WWC2: variants seen among roughly 807,000 people sequenced by gnomAD.
The protein encoded by WWC2 is protein WWC2.
In WWC2, 101 loss-of-function variants were observed where a neutral mutation model predicts 138.5. The observed-to-expected ratio is 0.73, with a 90% CI of 0.62 to 0.86. The LOEUF (loss-of-function observed/expected upper bound fraction) is 0.86. Among genes scored for constraint, WWC2 ranks in the 40% least tolerant of loss-of-function variants. The pLI is 0.00. For missense variants in WWC2, 1,420 were observed against 1,419.4 expected (o/e 1.00, Z -0.01); for synonymous variants, 558 against 538.4 (o/e 1.04, Z -0.50).
At chr4:183,239,541 T>A (rs1419251709) in intron 4 of WWC2, among the ~76,000 whole-genome samples, 2 of 152,202 alleles carry the variant, frequency 1.3e-5, no homozygotes, top group African/African-American at 4.8e-5. Context: ...GATCATCTGC[T>A]GTTTGCTTGG....
chr4:183,197,534 G>A (rs1413432208), intron 2 of WWC2, among the ~76,000 whole-genome samples: 1 of 152,190 alleles, frequency 6.6e-6, no homozygotes, highest in African/African-American at 2.4e-5. Context: ...GACCTTGACT[G>A]TGAAAGTTAT....
chr4:183,237,181 TTTAG>T (rs1736454295), intron 4 of WWC2, among the ~76,000 whole-genome samples: 1 of 152,222 alleles, frequency 6.6e-6, no homozygotes, highest in Non-Finnish European at 1.5e-5. Flanking sequence ...CTTTCACTTC[TTTAG>T]TTAAGTTAAT....
intron 11 of WWC2, among the ~76,000 whole-genome samples, chr4:183,262,610 G>A (rs139170488): frequency 8.8e-4 from 134 of 152,378 alleles, no homozygotes; most frequent in African/African-American, 2.9e-3. Context: ...CATTTGTGTG[G>A]TTTGTGCGCC....
At chr4:183,128,039 C>G (rs1732811089) in intron 1 of WWC2, among the ~76,000 whole-genome samples, 1 of 146,570 alleles carries the variant, frequency 6.8e-6, no homozygotes, top group Admixed American at 6.8e-5. Context: ...GAGACCCCAT[C>G]TCTGAAAAAA....
chr4:183,284,215 T>G lies in WWC2; in HGVS notation c.2884-11T>G, dbSNP rs764480092. On this transcript the variant is annotated splice_polypyrimidine_tract_variant and intron_variant, in intron 18 of 22. Coordinates refer to ENST00000403733, the MANE Select transcript of WWC2 (RefSeq NM_024949.6). ...TTTCAGCTCCTGACAAATTGTTAAC[T>G]TCTCTTATAGGTTGACAAAGAGACA... The G allele has an allele frequency of 6.2e-7, 1 of 1,610,310 alleles. No homozygotes were observed. Among genetic ancestry groups the G allele is most frequent in the Non-Finnish European group, 8.5e-7 (1 of 1,176,986 alleles).
chr4:183,235,299 A>C (rs1456389717), intron 4 of WWC2, among the ~76,000 whole-genome samples: 4 of 152,204 alleles, frequency 2.6e-5, no homozygotes, highest in African/African-American at 9.6e-5. Flanking sequence ...TAAACAGAGG[A>C]GAGTCCAACT....
intron 21 of WWC2, among the ~76,000 whole-genome samples, chr4:183,304,980 A>G (rs549830211): frequency 8.5e-5 from 13 of 152,230 alleles, no homozygotes; most frequent in Non-Finnish European, 1.5e-4. Context: ...AACTGTGGTT[A>G]GTATGCCAAG....
At chr4:183,293,603 C>T (rs1738533298) in intron 21 of WWC2, among the ~76,000 whole-genome samples, 1 of 152,056 alleles carries the variant, frequency 6.6e-6, no homozygotes, top group South Asian at 2.1e-4. Flanking sequence ...TTAGGAGTTC[C>T]TAAACAGTGC....
intron 21 of WWC2, among the ~76,000 whole-genome samples, chr4:183,298,674 A>T (rs113391925): frequency 5.5e-4 from 84 of 152,358 alleles, no homozygotes; most frequent in African/African-American, 1.9e-3. Context: ...CCATGCACTA[A>T]TAGGATTTTA....
chr4:183,121,734 A>G (rs988907588), intron 1 of WWC2, among the ~76,000 whole-genome samples: 1 of 148,128 alleles, frequency 6.8e-6, no homozygotes, highest in Non-Finnish European at 1.5e-5. Context: ...ATGAAATAGC[A>G]TTTTTCACCT....
intron 6 of WWC2, 117 bp from the exon 7 acceptor site, chr4:183,248,596 TA>T: frequency 9.1e-7 from 1 of 1,096,360 alleles, no homozygotes; most frequent in Non-Finnish European, 1.2e-6. Context: ...AAGTACCTAC[TA>T]AAATAAAGTT....
At chr4:183,292,293 G>A (rs1171789383) in intron 21 of WWC2, among the ~76,000 whole-genome samples, 3 of 151,772 alleles carry the variant, frequency 2.0e-5, no homozygotes, top group Admixed American at 6.6e-5. Flanking sequence ...GGAGGCCAGA[G>A]TGCCGAGAGT....
intron 1 of WWC2, among the ~76,000 whole-genome samples, chr4:183,187,467 C>T (rs1734841071): frequency 6.6e-6 from 1 of 151,210 alleles, no homozygotes; most frequent in African/African-American, 2.4e-5. Context: ...GCAGGAGAAT[C>T]GCTTGAACCT....
intron 1 of WWC2, among the ~76,000 whole-genome samples, chr4:183,113,842 G>T (rs967766133): frequency 6.6e-6 from 1 of 151,672 alleles, no homozygotes; most frequent in Admixed American, 6.6e-5. Flanking sequence ...GGCTTTGGCA[G>T]TGGGAAGCAG....
intron 4 of WWC2, among the ~76,000 whole-genome samples, chr4:183,224,300 A>G (rs919330255): frequency 1.3e-5 from 2 of 152,030 alleles, no homozygotes; most frequent in African/African-American, 4.8e-5. Flanking sequence ...TGTAGTAGTA[A>G]TTTATCGTCT....
intron 1 of WWC2, among the ~76,000 whole-genome samples, chr4:183,107,454 C>T (rs1287186433): frequency 6.6e-6 from 1 of 152,138 alleles, no homozygotes; most frequent in Non-Finnish European, 1.5e-5. Flanking sequence ...GGCCTCACTT[C>T]TTTCTTTTTT....
At chr4:183,129,590 C>T (rs1489222094) in intron 1 of WWC2, among the ~76,000 whole-genome samples, 1 of 152,162 alleles carries the variant, frequency 6.6e-6, no homozygotes, top group Non-Finnish European at 1.5e-5. Context: ...TAAGGGCTGC[C>T]TTATGAAGTG....
intron 1 of WWC2, 43 bp downstream of exon 1, chr4:183,099,665 G>C (rs950562345): frequency 2.4e-6 from 3 of 1,232,560 alleles, no homozygotes; most frequent in Admixed American, 3.9e-5. Flanking sequence ...CGGACACGGC[G>C]GCTGTTGTCC....
At chr4:183,225,461 C>T (rs1169866840) in intron 4 of WWC2, among the ~76,000 whole-genome samples, 4 of 152,134 alleles carry the variant, frequency 2.6e-5, no homozygotes, top group African/African-American at 7.2e-5. Flanking sequence ...AGGTGAGTCC[C>T]TACCTTACTT....
Sources: gnomAD v4.1 joint callset for allele counts (sites outside exome capture counted in the v4.1 genomes callset) on GRCh38, gnomAD v4.1.1 for gene constraint, MANE v1.5 for transcripts, NCBI Gene and HGNC (gene_info 2026-07-23, HGNC 2026-07-21) for gene names.